Variants in MYO9A observed in about 807,000 individuals in gnomAD.
The protein encoded by MYO9A is unconventional myosin-IXa.
MYO9A carries 103 observed loss-of-function variants against 293.3 expected under a neutral mutation model. That is an observed-to-expected ratio of 0.35 (90% CI 0.30 to 0.41). MYO9A has a LOEUF of 0.41. Ranked by LOEUF, MYO9A falls within the 10% of genes least tolerant of loss-of-function variation. The probability of loss-of-function intolerance (pLI) is 1.00; values close to 1 mark genes in which losing one functional copy is unlikely to be tolerated. For missense variants in MYO9A, 2,685 were observed against 3,033.0 expected, an observed-to-expected ratio of 0.89 and a Z score of 2.69; for synonymous variants, 1,001 against 1,035.7, an observed-to-expected ratio of 0.97 and a Z score of 0.64.
chr15:71,961,676 G>A (rs554501195), intron 13 of MYO9A, among the ~76,000 whole-genome samples: 58 of 152,274 alleles, frequency 3.8e-4, no homozygotes, highest in African/African-American at 1.3e-3. Context: ...ATGGATGTGT[G>A]AGTCTGGAGT....
chr15:72,093,210 TGA>T (rs1264515681), intron 1 of MYO9A, among the ~76,000 whole-genome samples: 1 of 152,084 alleles, frequency 6.6e-6, no homozygotes, highest in Non-Finnish European at 1.5e-5. Context: ...GTCGTATATA[TGA>T]GAGGGGAAAG....
intron 6 of MYO9A, 130 bp downstream of exon 6, chr15:72,018,909 T>G: frequency 1.4e-6 from 1 of 694,830 alleles, no homozygotes; most frequent in Non-Finnish European, 2.5e-6. Context: ...AAATGAAACA[T>G]TGATTTATCT....
At chr15:72,091,001 A>T (rs1392387883) in intron 1 of MYO9A, among the ~76,000 whole-genome samples, 1 of 147,482 alleles carries the variant, frequency 6.8e-6, no homozygotes, top group East Asian at 1.9e-4. Flanking sequence ...AATAAAAAAT[A>T]AAAAAATAAA....
At chr15:72,042,359 A>G (rs2078253695) in intron 2 of MYO9A, among the ~76,000 whole-genome samples, 1 of 152,076 alleles carries the variant, frequency 6.6e-6, no homozygotes, top group African/African-American at 2.4e-5. Flanking sequence ...AATGAGAAAG[A>G]AAACAATGTC....
At chr15:72,053,858 TA>T (rs1313110597) in intron 1 of MYO9A, among the ~76,000 whole-genome samples, 1 of 151,916 alleles carries the variant, frequency 6.6e-6, no homozygotes, top group African/African-American at 2.4e-5. Context: ...AAAAACAGAA[TA>T]ATGAGTTCAA....
chr15:72,100,886 C>G (rs550455712), intron 1 of MYO9A, among the ~76,000 whole-genome samples: 163 of 148,196 alleles, frequency 1.1e-3, no homozygotes, highest in African/African-American at 3.8e-3. Context: ...GGTCAGCCCC[C>G]CGCCGGCCAG....
Position 71,994,469 on chromosome 15 carries a change from C to A in MYO9A, c.1587G>T (p.Lys529Asn). The A allele has an allele frequency of 6.5e-7, 1 of 1,534,390 alleles. No individual in the cohort carries two copies. The highest frequency in any genetic ancestry group is 1.2e-5 in the South Asian group (1 of 83,238). Residue 529 changes from lysine to asparagine, a missense_variant and splice_region_variant, in exon 10 of 42, where the codon AAG becomes AAT. Coordinates refer to ENST00000356056, the MANE Select transcript of MYO9A (RefSeq NM_006901.4). ...LNSKDLEHNT[K>N]TLSIGVLDIF... ...ATATTATAATCCAATATATCATTAC[C>A]TTGGTATTATGCTCTAAATCTTTAC...
intron 1 of MYO9A, among the ~76,000 whole-genome samples, chr15:72,071,797 C>G (rs988280431): frequency 6.6e-6 from 1 of 151,308 alleles, no homozygotes; most frequent in African/African-American, 2.4e-5. Context: ...TAGTTTAACC[C>G]CTATGGTAAA....
At chr15:71,847,345 G>A (rs2055431304) in intron 39 of MYO9A, 2 of 410,866 alleles carry the variant, frequency 4.9e-6, no homozygotes, top group Non-Finnish European at 1.0e-5. Context: ...AGACAGGGCG[G>A]AACAATTCCT....
intron 1 of MYO9A, among the ~76,000 whole-genome samples, chr15:72,078,709 AT>A (rs1451619976): frequency 6.6e-6 from 1 of 152,232 alleles, no homozygotes; most frequent in African/African-American, 2.4e-5. Context: ...TTTATTTATG[AT>A]TGTCAGAAAT....
At chr15:71,850,225 A>G (rs1468515618) in intron 37 of MYO9A, 58 bp from the exon 38 acceptor site, 1 of 1,586,672 alleles carries the variant, frequency 6.3e-7, no homozygotes. Context: ...GGAGCACCAT[A>G]GGGAAATAGG....
chr15:72,038,041 A>T (rs1271058172), intron 2 of MYO9A, among the ~76,000 whole-genome samples: 2 of 151,888 alleles, frequency 1.3e-5, no homozygotes, highest in Non-Finnish European at 2.9e-5. Context: ...CAGCCTTCCA[A>T]CAGTAGCTGG....
chr15:72,099,570 C>T (rs1360515225), intron 1 of MYO9A, among the ~76,000 whole-genome samples: 1 of 151,812 alleles, frequency 6.6e-6, no homozygotes, highest in African/African-American at 2.4e-5. Context: ...TCACTGCACT[C>T]CAGCCTAGGC....
intron 15 of MYO9A, among the ~76,000 whole-genome samples, chr15:71,947,492 T>C (rs539195651): frequency 3.9e-4 from 59 of 152,296 alleles, no homozygotes; most frequent in African/African-American, 1.4e-3. Context: ...TTCCATCATC[T>C]TTCAGATCAA....
intron 19 of MYO9A, among the ~76,000 whole-genome samples, chr15:71,908,364 C>T (rs1353671518): frequency 6.6e-6 from 1 of 152,086 alleles, no homozygotes; most frequent in Admixed American, 6.6e-5. Context: ...GAGGTTTCAC[C>T]GTGTTAGCCA....
In MYO9A at chr15:71,959,928, C is replaced by T; in HGVS notation, c.2155G>A (p.Gly719Arg). ...GTTTTTCTGTGAATGTTTCTTTTCC[C>T]AGCTTCCCTGAAAGCAACCATGGCT... ...FRAMVAFREA[G>R]KRNIHRKTGH... The change falls in exon 14 of 42, where the codon GGG (glycine) becomes AGG (arginine). Residue 719 changes from glycine to arginine, a missense_variant. Physicochemically the swap from Gly to Arg is moderately radical, Grantham distance 125. This residue lies in a region of MYO9A where 1,434 missense variants were observed against 1,497.7 expected (regional missense o/e 0.96). Coordinates refer to ENST00000356056, the MANE Select transcript of MYO9A (RefSeq NM_006901.4). 1 of 1,613,542 alleles carries T rather than the reference C, an allele frequency of 6.2e-7. No individual in the cohort carries two copies. Among genetic ancestry groups the T allele is most frequent in the African/African-American group, 1.3e-5 (1 of 74,946 alleles).
chr15:72,064,243 T>C (rs929753576), intron 1 of MYO9A, among the ~76,000 whole-genome samples: 1 of 152,158 alleles, frequency 6.6e-6, no homozygotes, highest in African/African-American at 2.4e-5. Flanking sequence ...AGATGTAGTA[T>C]TTGACGGCAC....
intron 1 of MYO9A, among the ~76,000 whole-genome samples, chr15:72,090,346 A>C (rs2079867356): frequency 1.3e-5 from 2 of 152,188 alleles, no homozygotes; most frequent in African/African-American, 2.4e-5. Context: ...TTAGAATTGC[A>C]TAACAAATGT....
intron 1 of MYO9A, among the ~76,000 whole-genome samples, chr15:72,085,322 G>A (rs1189248952): frequency 6.6e-6 from 1 of 151,948 alleles, no homozygotes; most frequent in Non-Finnish European, 1.5e-5. Flanking sequence ...CAACCCAGGA[G>A]GCAAATGTTG....
Sources: allele counts gnomAD v4.1 joint callset (sites outside exome capture counted in the v4.1 genomes callset), GRCh38; gene constraint gnomAD v4.1.1; regional missense constraint gnomAD v4.1.1; transcripts MANE v1.5; gene names NCBI Gene and HGNC (gene_info 2026-07-23, HGNC 2026-07-21).